Variants in RAPGEF2 observed in about 807,000 individuals in gnomAD.
The protein encoded by RAPGEF2 is Rap guanine nucleotide exchange factor 2.
RAPGEF2 carries 54 observed loss-of-function variants against 186.7 expected under a neutral mutation model. That is an observed-to-expected ratio of 0.29 (90% confidence interval 0.23 to 0.36). The LOEUF is 0.36. Among genes scored for constraint, RAPGEF2 ranks in the 10% least tolerant of loss-of-function variants. The probability of loss-of-function intolerance (pLI) is 1.00; values close to 1 mark genes in which losing one functional copy is unlikely to be tolerated. For missense variants in RAPGEF2, 1,532 were observed against 2,045.0 expected (o/e 0.75, Z 4.84); for synonymous variants, 712 against 705.9 (o/e 1.01, Z -0.14).
intron 4 of RAPGEF2, among the ~76,000 whole-genome samples, chr4:159,237,842 TAAAAAAAAAAAA>T (rs58593781): frequency 1.5e-4 from 10 of 66,930 alleles, no homozygotes; most frequent in African/African-American, 4.9e-4. Flanking sequence ...CTACAAAAAT[TAAAAAAAAAAAA>T]AAAAAAAAAA....
intron 1 of RAPGEF2, among the ~76,000 whole-genome samples, chr4:159,114,369 T>A (rs1738818595): frequency 6.6e-6 from 1 of 152,068 alleles, no homozygotes; most frequent in Admixed American, 6.6e-5. Flanking sequence ...CCCAAAGTGC[T>A]GGGATTACAG....
intron 22 of RAPGEF2, 33 bp downstream of exon 22, chr4:159,343,437 A>C (rs771080590): frequency 1.2e-6 from 2 of 1,601,796 alleles, no homozygotes; most frequent in South Asian, 2.2e-5. Context: ...CACGTGTGAG[A>C]GTAGAGAAGG....
At chr4:159,121,212 G>T (rs1453434247) in intron 1 of RAPGEF2, among the ~76,000 whole-genome samples, 2 of 152,104 alleles carry the variant, frequency 1.3e-5, no homozygotes, top group African/African-American at 4.8e-5. Flanking sequence ...AATGTTTAAT[G>T]ACTTGATCTT....
At chr4:159,106,877 G>A (rs1307453443) in intron 1 of RAPGEF2, among the ~76,000 whole-genome samples, 1 of 152,162 alleles carries the variant, frequency 6.6e-6, no homozygotes, top group Non-Finnish European at 1.5e-5. Flanking sequence ...GGTGGGAAGA[G>A]TACCAGGAAC....
chr4:159,293,157 A>T (rs1392775327), intron 7 of RAPGEF2, among the ~76,000 whole-genome samples: 1 of 151,050 alleles, frequency 6.6e-6, no homozygotes, highest in African/African-American at 2.5e-5. Context: ...TGAAGATGAT[A>T]TAATTAAAAT....
chr4:159,284,555 G>C (rs1760194990), intron 7 of RAPGEF2, among the ~76,000 whole-genome samples: 1 of 151,226 alleles, frequency 6.6e-6, no homozygotes, highest in Non-Finnish European at 1.5e-5. Context: ...ATGAAACAGT[G>C]CCCTGGTGGG....
intron 1 of RAPGEF2, among the ~76,000 whole-genome samples, chr4:159,105,643 C>A (rs1347555782): frequency 6.6e-6 from 1 of 152,198 alleles, no homozygotes; most frequent in South Asian, 2.1e-4. Flanking sequence ...TGATCTTGTT[C>A]TTCTCTTGGT....
chr4:159,130,661 C>A (rs1021366911), intron 1 of RAPGEF2, among the ~76,000 whole-genome samples: 1 of 151,816 alleles, frequency 6.6e-6, no homozygotes, highest in African/African-American at 2.4e-5. Flanking sequence ...TAATTTAGAC[C>A]CAGGCTTAGC....
In RAPGEF2 at chr4:159,353,061, CTAAG is replaced by C; in HGVS notation, c.4091+154_4091+157del. The stretch of plus-strand genomic sequence containing the variant: ...AGTTCTGATTTTCACAATTTCTACA[CTAAG>C]TATCATGTTATTTTTGTTAAGCAGA... On this transcript the variant is annotated intron_variant, in intron 27 of 29. Coordinates refer to ENST00000691494, the MANE Select transcript of RAPGEF2 (RefSeq NM_001394067.2). The surrounding 1 kb of genome is among the most constrained non-coding windows in gnomAD (Gnocchi z 4.3). 2 of 751,720 alleles carry C rather than the reference CTAAG, an allele frequency of 2.7e-6. No individual in the cohort carries two copies. Among genetic ancestry groups the C allele is most frequent in the Non-Finnish European group, 4.3e-6 (2 of 469,186 alleles). 46.6% of individuals were successfully genotyped at this position (751,720 alleles called of 1,614,324 possible). A position where few individuals can be genotyped will look rare whatever the true frequency, so the allele number is the denominator to read the frequency against.
chr4:159,330,626 C>CA (rs558432398), intron 13 of RAPGEF2, 128 bp downstream of exon 13: 1,379 of 464,800 alleles, frequency 3.0e-3, no homozygotes, highest in Middle Eastern at 5.8e-3. Flanking sequence ...AATTCTGAAG[C>CA]AAAAAAAAAC....
At chr4:159,212,000 C>G (rs1750579814) in intron 4 of RAPGEF2, among the ~76,000 whole-genome samples, 2 of 152,096 alleles carry the variant, frequency 1.3e-5, no homozygotes, top group South Asian at 4.1e-4. Flanking sequence ...CAGTACTTTC[C>G]ATTTACCAGG....
chr4:159,205,079 A>G (rs1447990623), intron 3 of RAPGEF2, among the ~76,000 whole-genome samples: 1 of 152,186 alleles, frequency 6.6e-6, no homozygotes, highest in Non-Finnish European at 1.5e-5. Flanking sequence ...AGTTGCATGG[A>G]TATTAATAGA....
chr4:159,267,060 G>T, intron 7 of RAPGEF2: 2 of 757,584 alleles, frequency 2.6e-6, no homozygotes, highest in Non-Finnish European at 3.7e-6. Flanking sequence ...TGTACCATTT[G>T]AGCTGAATAT....
intron 26 of RAPGEF2, among the ~76,000 whole-genome samples, chr4:159,351,508 A>G (rs564261236): frequency 2.8e-4 from 43 of 152,324 alleles, no homozygotes; most frequent in African/African-American, 9.4e-4. Flanking sequence ...CTAGATTTTA[A>G]TTTTTCTTAG....
chr4:159,136,349 TG>T (rs749163218), intron 1 of RAPGEF2, among the ~76,000 whole-genome samples: 50 of 152,172 alleles, frequency 3.3e-4, no homozygotes, highest in Non-Finnish European at 5.9e-4. Flanking sequence ...TCTGGATGGC[TG>T]GGGATGTTAA....
chr4:159,273,660 TTCTTTC>T (rs2110835175), intron 7 of RAPGEF2, among the ~76,000 whole-genome samples: 1 of 149,308 alleles, frequency 6.7e-6, no homozygotes, highest in African/African-American at 2.5e-5. Flanking sequence ...CTTTCTTTCT[TTCTTTC>T]TTTCTTTCTT....
At chr4:159,232,978 G>T (rs1177464391) in intron 4 of RAPGEF2, among the ~76,000 whole-genome samples, 1 of 152,102 alleles carries the variant, frequency 6.6e-6, no homozygotes, top group East Asian at 1.9e-4. Flanking sequence ...CTGGAGAAAT[G>T]CCTATGTAAA....
At chr4:159,348,248 ATGGATGGATG>A (rs1561330028) in intron 25 of RAPGEF2, among the ~76,000 whole-genome samples, 12 of 65,130 alleles carry the variant, frequency 1.8e-4, no homozygotes, top group South Asian at 4.6e-4. Context: ...AGATAGATGG[ATGGATGGATG>A]GATGGATGGA....
chr4:159,202,650 G>A (rs1579452149), intron 3 of RAPGEF2, among the ~76,000 whole-genome samples: 4 of 152,132 alleles, frequency 2.6e-5, no homozygotes, highest in African/African-American at 9.7e-5. Context: ...TGCCCAGGCT[G>A]GAGTGCAGTG....
Sources: allele counts gnomAD v4.1 joint callset (sites outside exome capture counted in the v4.1 genomes callset), GRCh38; gene constraint gnomAD v4.1.1; non-coding constraint Gnocchi (gnomAD v3.1); transcripts MANE v1.5; gene names NCBI Gene and HGNC (gene_info 2026-07-23, HGNC 2026-07-21).